SDC2: variants seen among roughly 807,000 people sequenced by gnomAD.
SDC2 encodes syndecan 2.
A neutral mutation model predicts 22.2 loss-of-function variants in SDC2; 13 were observed. That is an observed-to-expected ratio of 0.59 (90% confidence interval 0.38 to 0.93). The LOEUF (loss-of-function observed/expected upper bound fraction) is 0.93, where lower values mean the gene tolerates loss of function less well. Ranked by LOEUF, SDC2 falls within the 40% of genes least tolerant of loss-of-function variation. The pLI is 0.00. For missense variants in SDC2, 235 were observed against 246.8 expected (o/e 0.95, Z 0.32); for synonymous variants, 94 against 92.8 (o/e 1.01, Z -0.07).
intron 1 of SDC2, among the ~76,000 whole-genome samples, chr8:96,557,545 T>C (rs1814136994): frequency 6.7e-6 from 1 of 149,258 alleles, no homozygotes; most frequent in Non-Finnish European, 1.5e-5. Context: ...AAACACCGCA[T>C]ATTCTCACTC....
At chr8:96,542,412 G>A (rs1002678583) in intron 1 of SDC2, among the ~76,000 whole-genome samples, 1 of 152,182 alleles carries the variant, frequency 6.6e-6, no homozygotes. Context: ...TGTTTTGGAT[G>A]AGGATGAGGC....
intron 1 of SDC2, among the ~76,000 whole-genome samples, chr8:96,516,997 A>G (rs1054335417): frequency 2.6e-5 from 4 of 152,192 alleles, no homozygotes; most frequent in African/African-American, 7.2e-5. Flanking sequence ...GTAACTCTGT[A>G]TAACATTTCA....
chr8:96,589,579 A>AT (rs1814743663), intron 1 of SDC2, among the ~76,000 whole-genome samples: 2 of 152,188 alleles, frequency 1.3e-5, no homozygotes, highest in East Asian at 1.9e-4. Flanking sequence ...CACCCGCCTA[A>AT]TTTTTGTAAT....
intron 1 of SDC2, among the ~76,000 whole-genome samples, chr8:96,547,236 A>G (rs1010248649): frequency 1.3e-5 from 2 of 152,204 alleles, no homozygotes; most frequent in Admixed American, 1.3e-4. Context: ...CGTTTTGGTC[A>G]TGATGTTTAC....
At chr8:96,562,894 T>TGG (rs72170237) in intron 1 of SDC2, among the ~76,000 whole-genome samples, 12,355 of 152,064 alleles carry the variant, frequency 0.081, 741 homozygotes, top group East Asian at 0.15. Flanking sequence ...GTGACTCTGG[T>TGG]GGGGGACATG....
chr8:96,551,310 C>A (rs184976441), intron 1 of SDC2, among the ~76,000 whole-genome samples: 52 of 152,288 alleles, frequency 3.4e-4, no homozygotes, highest in African/African-American at 1.1e-3. Flanking sequence ...TTTTCCTAAT[C>A]GAAACTCACC....
At chr8:96,573,647 C>T (rs774663799) in intron 1 of SDC2, among the ~76,000 whole-genome samples, 1 of 152,176 alleles carries the variant, frequency 6.6e-6, no homozygotes, top group Admixed American at 6.5e-5. Context: ...ATACCATTGA[C>T]TCTGCCCTGG....
intron 1 of SDC2, among the ~76,000 whole-genome samples, chr8:96,531,976 C>G (rs72680149): frequency 4.2e-4 from 64 of 152,300 alleles, no homozygotes; most frequent in Admixed American, 7.2e-4. Context: ...ACCATGACCT[C>G]AAGATGGTAG....
chr8:96,576,437 T>TTTTTTTTTTG, intron 1 of SDC2, among the ~76,000 whole-genome samples: 1 of 70,026 alleles, frequency 1.4e-5, no homozygotes, highest in Non-Finnish European at 3.3e-5. Context: ...TTTTTTTTTT[T>TTTTTTTTTTG]GAGACGGAGT....
At chr8:96,539,471 A>G (rs1425440680) in intron 1 of SDC2, among the ~76,000 whole-genome samples, 1 of 152,238 alleles carries the variant, frequency 6.6e-6, no homozygotes, top group Non-Finnish European at 1.5e-5. Flanking sequence ...ATTTTCAAAA[A>G]TTATTAAATT....
intron 1 of SDC2, among the ~76,000 whole-genome samples, chr8:96,543,992 G>A (rs544431892): frequency 9.2e-5 from 14 of 152,240 alleles, no homozygotes; most frequent in South Asian, 2.1e-4. Context: ...TGACTTACTC[G>A]AGATGCTAGA....
chr8:96,610,037 A>G lies in SDC2; in HGVS notation c.*489A>G, dbSNP rs1815150697. ...GGTGCAATTTGTCTTTGGAAAATTC[A>G]GATAATGGTAATTTAGTGTATATGT... On this transcript the variant is annotated 3_prime_UTR_variant, in exon 5 of 5. Transcript: ENST00000302190. 6.5e-6 allele frequency: 1 copy of G among 152,698 alleles called. No homozygotes were observed. Among genetic ancestry groups the G allele is most frequent in the Non-Finnish European group, 1.5e-5 (1 of 68,100 alleles). The allele number at this position is 152,698 out of a possible 1,614,324, so 9.5% of individuals were successfully genotyped here.
intron 1 of SDC2, among the ~76,000 whole-genome samples, chr8:96,532,366 G>C (rs1020215447): frequency 2.8e-5 from 4 of 141,794 alleles, no homozygotes; most frequent in Admixed American, 2.8e-4. Context: ...CTAAGGAATA[G>C]GATTATTATT....
chr8:96,545,827 A>G (rs1423788581), intron 1 of SDC2, among the ~76,000 whole-genome samples: 1 of 152,188 alleles, frequency 6.6e-6, no homozygotes, highest in Non-Finnish European at 1.5e-5. Context: ...TTATGGAATA[A>G]AAGAGGGTCT....
intron 1 of SDC2, among the ~76,000 whole-genome samples, chr8:96,529,937 C>G (rs530953547): frequency 6.6e-6 from 1 of 152,144 alleles, no homozygotes; most frequent in Non-Finnish European, 1.5e-5. Context: ...CCTTCCCTCT[C>G]CCAGCTTTAT....
At chr8:96,585,938 T>A (rs991115249) in intron 1 of SDC2, among the ~76,000 whole-genome samples, 3 of 151,590 alleles carry the variant, frequency 2.0e-5, no homozygotes, top group Non-Finnish European at 4.4e-5. Context: ...ATGAAACAGA[T>A]TTTACTTGGA....
At chr8:96,595,945 C>CTTCGTTCTTGACT (rs1814867213) in intron 2 of SDC2, among the ~76,000 whole-genome samples, 1 of 152,330 alleles carries the variant, frequency 6.6e-6, no homozygotes, top group East Asian at 1.9e-4. Flanking sequence ...AGTGAAAGAG[C>CTTCGTTCTTGACT]TTCGTTCTTG....
intron 1 of SDC2, among the ~76,000 whole-genome samples, chr8:96,531,725 G>C (rs1032078817): frequency 3.9e-5 from 6 of 152,202 alleles, no homozygotes; most frequent in Non-Finnish European, 2.9e-5. Context: ...GTGGTTACTT[G>C]GCGTGGTTTT....
chr8:96,528,453 A>T (rs766296851), intron 1 of SDC2, among the ~76,000 whole-genome samples: 5 of 152,204 alleles, frequency 3.3e-5, no homozygotes, highest in African/African-American at 4.8e-5. Context: ...AGAAAATGCA[A>T]ATACTCAGTG....
Sources: gnomAD v4.1 joint callset for allele counts (sites outside exome capture counted in the v4.1 genomes callset) on GRCh38, gnomAD v4.1.1 for gene constraint, MANE v1.5 for transcripts, NCBI Gene and HGNC (gene_info 2026-07-23, HGNC 2026-07-21) for gene names.